Variants in FSTL4 observed in about 807,000 individuals in gnomAD.
The protein encoded by FSTL4 is follistatin-related protein 4.
FSTL4 carries 28 observed loss-of-function variants against 78.2 expected under a neutral mutation model. That is an observed-to-expected ratio of 0.36 (90% CI 0.27 to 0.49). The LOEUF is 0.49. Among genes scored for constraint, FSTL4 ranks in the 20% least tolerant of loss-of-function variants. The probability of loss-of-function intolerance (pLI) is 0.98; values close to 1 mark genes in which losing one functional copy is unlikely to be tolerated. For missense variants in FSTL4, 922 were observed against 1,084.9 expected (o/e 0.85, Z 2.11); for synonymous variants, 422 against 440.5 (o/e 0.96, Z 0.53).
At chr5:133,502,574 A>G (rs1758521957) in intron 3 of FSTL4, among the ~76,000 whole-genome samples, 1 of 152,104 alleles carries the variant, frequency 6.6e-6, no homozygotes, top group South Asian at 2.1e-4. Context: ...GTTAGCACCA[A>G]CTCCCCAGTG....
intron 4 of FSTL4, among the ~76,000 whole-genome samples, chr5:133,387,299 AAAGTT>A (rs1755723141): frequency 6.6e-6 from 1 of 152,184 alleles, no homozygotes; most frequent in South Asian, 2.1e-4. Context: ...AGTAACTGGG[AAAGTT>A]ATCTGGCTTC....
At chr5:133,328,648 C>T (rs1754271967) in intron 4 of FSTL4, among the ~76,000 whole-genome samples, 1 of 152,210 alleles carries the variant, frequency 6.6e-6, no homozygotes, top group Non-Finnish European at 1.5e-5. Context: ...GCAACAGCTT[C>T]TTATGAACTC....
chr5:133,656,380 C>G, the FSTL4 span, among the ~76,000 whole-genome samples: 1 of 152,122 alleles, frequency 6.6e-6, no homozygotes, highest in Non-Finnish European at 1.5e-5. Context: ...GGGCTGCTGT[C>G]AAGGGCAGTA....
chr5:133,816,826 G>C, the FSTL4 span, among the ~76,000 whole-genome samples: 1 of 152,240 alleles, frequency 6.6e-6, no homozygotes, highest in African/African-American at 2.4e-5. Context: ...GAGCTCTGGA[G>C]ACTTGGGGAA....
At chr5:133,487,063 G>A (rs1758152974) in intron 3 of FSTL4, among the ~76,000 whole-genome samples, 1 of 152,190 alleles carries the variant, frequency 6.6e-6, no homozygotes, top group African/African-American at 2.4e-5. Flanking sequence ...GCCAGCAGCT[G>A]TATCTGGGGG....
At position 133,236,749 on chromosome 5, in the gene FSTL4, GCTGT is replaced by G. The variant is rs998154827; in HGVS notation, c.895-3216_895-3213del. Reference sequence around the variant, plus strand: ...GCCAGGCATGCTCCCCTCCTCCCAGGCTGTCTGTCTGTCTCCCTCTCCTGCAAGT... The same window carrying G: ...GCCAGGCATGCTCCCCTCCTCCCAGGCTGTCTGTCTCCCTCTCCTGCAAGT... On this transcript the variant is annotated intron_variant, in intron 7 of 15. Transcript: ENST00000265342. This position sits in a 1 kb window ranked among gnomAD's most constrained non-coding sequence, Gnocchi z 5.0. 2.6e-5 allele frequency among the ~76,000 whole-genome samples: 4 copies of G among 152,146 alleles called. No individual in the cohort carries two copies. Among genetic ancestry groups the G allele is most frequent in the African/African-American group, 4.8e-5 (2 of 41,432 alleles).
the FSTL4 span, among the ~76,000 whole-genome samples, chr5:133,797,856 GC>G: frequency 3.3e-3 from 509 of 152,124 alleles, no homozygotes; most frequent in African/African-American, 0.012. Context: ...AACCAGTCCC[GC>G]CGCAGGGGAC....
Position 133,612,445 on chromosome 5 carries a change from G to C in FSTL4, c.-131C>G, listed in dbSNP as rs575711373. ...CCTTCGGCTGGTTTCTCGGGCTGTC[G>C]GCGGGTCCCGGGCTCGCTGGAGGCT... On this transcript the variant is annotated 5_prime_UTR_variant, in exon 1 of 16. Transcript: ENST00000265342. The surrounding 1 kb of genome is among the most constrained non-coding windows in gnomAD (Gnocchi z 6.2). 6.6e-6 allele frequency: 1 copy of C among 151,932 alleles called. No individual in the cohort carries two copies. Among genetic ancestry groups the C allele is most frequent in the Non-Finnish European group, 1.5e-5 (1 of 67,930 alleles). 9.4% of individuals were successfully genotyped at this position (151,932 alleles called of 1,614,324 possible). A position where few individuals can be genotyped will look rare whatever the true frequency, so the allele number is the denominator to read the frequency against.
chr5:133,526,782 G>A lies in FSTL4; in HGVS notation c.160+40404C>T, dbSNP rs1292263074. Among the ~76,000 whole-genome samples, 19 of 152,272 alleles carry A rather than the reference G, an allele frequency of 1.2e-4. No individual in the cohort carries two copies. The East Asian group carries it at 3.3e-3, about 26-fold the overall frequency. On this transcript the variant is annotated intron_variant, in intron 3 of 15. Transcript: ENST00000265342. ...GAGGAGATGGGATGAATGCGAAACA[G>A]GAGAAGGAGCAGAACTTGTCGGCCA...
intron 4 of FSTL4, among the ~76,000 whole-genome samples, chr5:133,395,541 C>T (rs1756007070): frequency 6.6e-6 from 1 of 152,224 alleles, no homozygotes; most frequent in Admixed American, 6.5e-5. Context: ...ACCAAGAACC[C>T]ACCAATTCTG....
At chr5:133,212,027 T>C (rs1750746614) in intron 13 of FSTL4, among the ~76,000 whole-genome samples, 1 of 152,256 alleles carries the variant, frequency 6.6e-6, no homozygotes, top group Non-Finnish European at 1.5e-5. Flanking sequence ...GGCTGCTTTT[T>C]ATTTTCTAGA....
intron 8 of FSTL4, among the ~76,000 whole-genome samples, chr5:133,227,860 T>G (rs1450541359): frequency 6.6e-6 from 1 of 152,114 alleles, no homozygotes; most frequent in East Asian, 1.9e-4. Context: ...ACAGAAGGGA[T>G]TAAAAAATAT....
chr5:133,809,365 C>CAAAA, the FSTL4 span, among the ~76,000 whole-genome samples: 2 of 72,338 alleles, frequency 2.8e-5, no homozygotes, highest in African/African-American at 1.0e-4. Flanking sequence ...GACACTGTCT[C>CAAAA]AAAAAAAAAA....
the FSTL4 span, among the ~76,000 whole-genome samples, chr5:133,829,034 A>G: frequency 6.6e-6 from 1 of 152,096 alleles, no homozygotes; most frequent in Non-Finnish European, 1.5e-5. Context: ...CTCATCTGGG[A>G]CCTCCGAAAG....
chr5:133,522,684 C>G (rs192937908), intron 3 of FSTL4, among the ~76,000 whole-genome samples: 1 of 152,234 alleles, frequency 6.6e-6, no homozygotes, highest in South Asian at 2.1e-4. Context: ...CCAATTGACA[C>G]GTTCTTAGCA....
intron 4 of FSTL4, among the ~76,000 whole-genome samples, chr5:133,374,133 G>A (rs1267851337): frequency 6.6e-6 from 1 of 152,152 alleles, no homozygotes; most frequent in Non-Finnish European, 1.5e-5. Context: ...AGGTCCTCCT[G>A]CCCCCTCCCC....
chr5:133,199,240 A>C lies in FSTL4; in HGVS notation c.2384T>G (p.Met795Arg). The change falls in exon 16 of 16, where the codon ATG becomes AGG. Residue 795 changes from methionine to arginine, a missense_variant. By Grantham distance (91) the Met-to-Arg change is moderately conservative. Transcript: ENST00000265342. This position sits in a 1 kb window ranked among gnomAD's most constrained non-coding sequence, Gnocchi z 4.4. Reference protein sequence around the residue: ...AQPWGGTHRIMRDSGLFGQYL... With the variant: ...AQPWGGTHRIRRDSGLFGQYL... The stretch of plus-strand genomic sequence containing the variant: ...CTGTCCAAACAGCCCACTGTCCCTC[A>C]TGATTCTGTGGGTACCCCCCCAGGG... 1.2e-6 allele frequency: 2 copies of C among 1,613,690 alleles called. No individual in the cohort carries two copies. The highest frequency in any genetic ancestry group is 1.7e-6 in the Non-Finnish European group (2 of 1,179,648).
chr5:133,676,639 C>G, the FSTL4 span, among the ~76,000 whole-genome samples: 1 of 152,162 alleles, frequency 6.6e-6, no homozygotes, highest in African/African-American at 2.4e-5. Context: ...GATGTAAGAA[C>G]ACCATGAGGT....
the FSTL4 span, among the ~76,000 whole-genome samples, chr5:133,680,158 G>C: frequency 1.3e-5 from 2 of 152,124 alleles, no homozygotes; most frequent in Admixed American, 6.5e-5. Context: ...AGCATGGCAT[G>C]GTCTTCCATG....
Sources: allele counts gnomAD v4.1 joint callset (sites outside exome capture counted in the v4.1 genomes callset), GRCh38; gene constraint gnomAD v4.1.1; non-coding constraint Gnocchi (gnomAD v3.1); transcripts MANE v1.5; gene names NCBI Gene and HGNC (gene_info 2026-07-23, HGNC 2026-07-21).